The following MPP3 variants were observed in gnomAD, a reference collection of about 807,000 sequenced individuals.
The protein encoded by MPP3 is MAGUK p55 scaffold protein 3.
MPP3 carries 48 observed loss-of-function variants against 80.7 expected under a neutral mutation model. The ratio of observed to expected loss-of-function variants is 0.59; its 90% CI spans 0.47 to 0.76. The LOEUF is 0.76. Ranked by LOEUF, MPP3 falls within the 30% of genes least tolerant of loss-of-function variation. The pLI, the probability that MPP3 is intolerant of heterozygous loss-of-function variation, is 0.00. For missense variants in MPP3, 620 were observed against 763.0 expected (o/e 0.81, Z 2.21); for synonymous variants, 311 against 297.6 (o/e 1.04, Z -0.46).
At chr17:43,817,960 C>T in intron 12 of MPP3, 86 bp downstream of exon 12, 1 of 1,262,366 alleles carries the variant, frequency 7.9e-7, no homozygotes, top group Non-Finnish European at 1.1e-6. Flanking sequence ...CCCCTCCAGC[C>T]CACTGCCTAC....
chr17:43,831,200 G>A (rs1399644773), intron 5 of MPP3, 44 bp downstream of exon 5: 1 of 1,573,218 alleles, frequency 6.4e-7, no homozygotes, highest in African/African-American at 1.3e-5. Flanking sequence ...GCCCTACAGG[G>A]TGGGGAGTGG....
intron 7 of MPP3, among the ~76,000 whole-genome samples, chr17:43,828,844 A>G (rs757223962): frequency 6.6e-6 from 1 of 152,214 alleles, no homozygotes; most frequent in Non-Finnish European, 1.5e-5. Context: ...CACCCAATAC[A>G]GAGCCTGGAT....
Position 43,831,913 on chromosome 17 carries a change from G to T in MPP3, c.-7C>A. 6.2e-7 allele frequency: 1 copy of T among 1,612,716 alleles called. No homozygotes were observed. The highest frequency in any genetic ancestry group is 8.5e-7 in the Non-Finnish European group (1 of 1,179,588). ...CCTCCGATAGCACTGGCATGCTGGC[G>T]TTGTCACCTCCCGACCTCTCCCTGC... On this transcript the variant is annotated 5_prime_UTR_variant, in exon 3 of 20. Transcript: ENST00000398389.
Position 43,825,837 on chromosome 17 carries a change from C to T in MPP3, c.528G>A (p.Leu176=). 6.2e-7 allele frequency: 1 copy of T among 1,606,052 alleles called. No homozygotes were observed. The highest frequency in any genetic ancestry group is 1.3e-5 in the African/African-American group (1 of 74,898). Residue 176 remains leucine (L), a synonymous_variant, in exon 9 of 20, where the codon CTG becomes CTA. Transcript: ENST00000398389. ...MRGGAADRSG[L]VHVGDELREV... ...CTCGGAGCTCATCTCCAACGTGGACCAGGCCTAGGAGACACAGGGACTGAC... is the reference window on the plus strand; with the variant it reads ...CTCGGAGCTCATCTCCAACGTGGACTAGGCCTAGGAGACACAGGGACTGAC...
intron 14 of MPP3, 123 bp from the exon 15 acceptor site, chr17:43,814,484 ACCT>A (rs1275371280): frequency 3.3e-6 from 3 of 896,828 alleles, no homozygotes; most frequent in Non-Finnish European, 4.9e-6. Flanking sequence ...ACTTCTCCCA[ACCT>A]CCTCCTGCTA....
chr17:43,814,141 C>T (rs370502957), intron 15 of MPP3, 50 bp from the exon 16 acceptor site: 4 of 1,604,818 alleles, frequency 2.5e-6, no homozygotes, highest in African/African-American at 2.7e-5. Context: ...GCTCCCTCCC[C>T]ACCTGCTCCA....
rs1255743203 is a variant in MPP3 at position 43,810,887 on chromosome 17, T to C, written c.1378A>G (p.Asn460Asp). ...KFLEHGEYKENLYGTSLEAIQ... is the reference protein window; with the variant it reads ...KFLEHGEYKEDLYGTSLEAIQ... Reference sequence around the variant, plus strand: ...GCCTCCAGGCTGGTTCCATACAGATTTTCCTTATATTCACCATGTTCCAGG... The same window carrying C: ...GCCTCCAGGCTGGTTCCATACAGATCTTCCTTATATTCACCATGTTCCAGG... The change falls in exon 18 of 20, where the codon AAT becomes GAT. Residue 460 changes from asparagine to aspartate, a missense_variant. Asn to Asp is a conservative substitution (Grantham distance 23, BLOSUM62 1). Coordinates refer to ENST00000398389, the MANE Select transcript of MPP3 (RefSeq NM_001932.6). 2.5e-6 allele frequency: 4 copies of C among 1,608,034 alleles called. No homozygotes were observed. Among genetic ancestry groups the C allele is most frequent in the East Asian group, 2.2e-5 (1 of 44,860 alleles).
At position 43,829,616 on chromosome 17, in the gene MPP3, G is replaced by T. The variant is rs755992064; in HGVS notation, c.441+38C>A. ...TTCTGGGTGGGGGTGAGAGGCAGGGGAAGAGTGGGTTAGAGAGGGGCAGGC... is the reference window on the plus strand; with the variant it reads ...TTCTGGGTGGGGGTGAGAGGCAGGGTAAGAGTGGGTTAGAGAGGGGCAGGC... On this transcript the variant is annotated intron_variant, in intron 7 of 19. Coordinates refer to ENST00000398389, the MANE Select transcript of MPP3 (RefSeq NM_001932.6). 3.7e-6 allele frequency: 6 copies of T among 1,607,792 alleles called. No homozygotes were observed. In the African/African-American group the frequency reaches 4.0e-5, roughly 11 times the overall value.
chr17:43,806,102 T>C, intron 19 of MPP3, among the ~76,000 whole-genome samples: 1 of 152,350 alleles, frequency 6.6e-6, no homozygotes, highest in Non-Finnish European at 1.5e-5. Context: ...TTTTGATTTA[T>C]TTTTTCTTGT....
At chr17:43,831,177 G>T in intron 5 of MPP3, 67 bp downstream of exon 5, 4 of 1,480,388 alleles carry the variant, frequency 2.7e-6, no homozygotes, top group Non-Finnish European at 3.8e-6. Flanking sequence ...AGCAAGCGAG[G>T]CAAGATGAAG....
At chr17:43,811,007 C>T (rs1316306532) in intron 17 of MPP3, 92 bp from the exon 18 acceptor site, 9 of 1,426,698 alleles carry the variant, frequency 6.3e-6, no homozygotes, top group South Asian at 4.7e-5. Context: ...ACTTCTCTCC[C>T]GCTTCCCCCA....
At position 43,829,646 on chromosome 17, in the gene MPP3, G is replaced by T. The variant is rs777514067; in HGVS notation, c.441+8C>A. 1.9e-6 allele frequency: 3 copies of T among 1,613,386 alleles called. No individual in the cohort carries two copies. The highest frequency in any genetic ancestry group is 1.7e-6 in the Non-Finnish European group (2 of 1,179,944). ...GTGGGTTAGAGAGGGGCAGGCAGCA[G>T]CACCTACCAGGGGTTCCTTGTTCTT... On this transcript the variant is annotated splice_region_variant and intron_variant, in intron 7 of 19. Transcript: ENST00000398389.
At chr17:43,815,838 A>G in intron 14 of MPP3, 200 bp downstream of exon 14, 1 of 667,604 alleles carries the variant, frequency 1.5e-6, no homozygotes. Context: ...CAGCTGGGTA[A>G]AAGCTGGGTG....
intron 17 of MPP3, 21 bp downstream of exon 17, chr17:43,811,091 C>G (rs754027348): frequency 3.1e-6 from 5 of 1,599,920 alleles, no homozygotes; most frequent in Non-Finnish European, 4.3e-6. Context: ...GGAGGGCCAA[C>G]TGGCCCATCA....
At chr17:43,812,195 C>G (rs1275356135) in intron 16 of MPP3, among the ~76,000 whole-genome samples, 1 of 152,172 alleles carries the variant, frequency 6.6e-6, no homozygotes, top group African/African-American at 2.4e-5. Flanking sequence ...AAAATCAGGT[C>G]TTCTGCAGAA....
chr17:43,824,812 T>C (rs2045622655), intron 9 of MPP3, among the ~76,000 whole-genome samples: 2 of 152,130 alleles, frequency 1.3e-5, no homozygotes, highest in Non-Finnish European at 2.9e-5. Context: ...TTTGCTCTCA[T>C]TGCCCAGGCT....
At chr17:43,815,355 T>C (rs1177885173) in intron 14 of MPP3, among the ~76,000 whole-genome samples, 2 of 152,080 alleles carry the variant, frequency 1.3e-5, no homozygotes, top group Non-Finnish European at 2.9e-5. Flanking sequence ...AAAAAAAGTT[T>C]AAAAACTTTT....
At chr17:43,831,798 G>C in intron 3 of MPP3, 84 bp downstream of exon 3, 1 of 1,465,716 alleles carries the variant, frequency 6.8e-7, no homozygotes, top group Non-Finnish European at 9.3e-7. Flanking sequence ...CTCTCCCCAG[G>C]CTCTCACTGC....
intron 10 of MPP3, 29 bp from the exon 11 acceptor site, chr17:43,821,087 C>T (rs143004636): frequency 1.7e-4 from 267 of 1,607,022 alleles, no homozygotes; most frequent in Middle Eastern, 8.8e-4. Flanking sequence ...GGTGAGGCGG[C>T]CCTTCCCCAA....
Sources: allele counts gnomAD v4.1 joint callset (sites outside exome capture counted in the v4.1 genomes callset), GRCh38; gene constraint gnomAD v4.1.1; transcripts MANE v1.5; gene names NCBI Gene and HGNC (gene_info 2026-07-23, HGNC 2026-07-21).